Variants in NDUFV2 observed in about 807,000 individuals in gnomAD.
The protein encoded by NDUFV2 is NADH:ubiquinone oxidoreductase core subunit V2.
NDUFV2 carries 18 observed loss-of-function variants against 31.6 expected under a neutral mutation model. That is an observed-to-expected ratio of 0.57 (90% CI 0.39 to 0.84). The LOEUF (loss-of-function observed/expected upper bound fraction) is 0.84, where lower values mean the gene tolerates loss of function less well. NDUFV2 is among the 40% of genes least tolerant of loss of function. The probability of loss-of-function intolerance (pLI) is 0.00; values close to 1 mark genes in which losing one functional copy is unlikely to be tolerated. For missense variants in NDUFV2, 314 were observed against 303.6 expected, an observed-to-expected ratio of 1.03 and a Z score of -0.26; for synonymous variants, 83 against 99.8, an observed-to-expected ratio of 0.83 and a Z score of 1.01.
At chr18:9,112,058 G>A (rs528403952) in intron 1 of NDUFV2, among the ~76,000 whole-genome samples, 27 of 134,382 alleles carry the variant, frequency 2.0e-4, no homozygotes, top group African/African-American at 7.2e-4. Context: ...TCGCTCTGTC[G>A]CCCAGGCAGG....
intron 1 of NDUFV2, among the ~76,000 whole-genome samples, chr18:9,107,560 T>C (rs1264447953): frequency 6.6e-6 from 1 of 152,230 alleles, no homozygotes; most frequent in Non-Finnish European, 1.5e-5. Flanking sequence ...CCATTTTATG[T>C]GTGAGATATA....
chr18:9,102,766 G>A lies in NDUFV2; in HGVS notation c.23G>A (p.Arg8Gln), dbSNP rs1393849645. The A allele has an allele frequency of 6.3e-6, 10 of 1,584,554 alleles. No homozygotes were observed. The highest frequency in any genetic ancestry group is 5.4e-5 in the Admixed American group (3 of 56,066). The part of the protein sequence containing the change: MFFSAAL[R>Q]ARAAGLTAHW... Reference sequence around the variant, plus strand: ...GCCATGTTCTTCTCCGCGGCGCTCCGGGCCCGGGCGGCTGGCCTCACCGCC... The same window carrying A: ...GCCATGTTCTTCTCCGCGGCGCTCCAGGCCCGGGCGGCTGGCCTCACCGCC... The change falls in exon 1 of 8, where the codon CGG (arginine) becomes CAG (glutamine). Residue 8 changes from arginine to glutamine, a missense_variant. Arg to Gln is a conservative substitution (Grantham distance 43, BLOSUM62 1). Transcript: ENST00000318388.
intron 4 of NDUFV2, among the ~76,000 whole-genome samples, chr18:9,120,371 A>C (rs776934984): frequency 2.6e-5 from 4 of 152,226 alleles, no homozygotes; most frequent in Non-Finnish European, 4.4e-5. Flanking sequence ...ATTGGCAATG[A>C]AAGTTTTGAA....
At chr18:9,131,460 T>C (rs1598353905) in intron 7 of NDUFV2, among the ~76,000 whole-genome samples, 1 of 152,378 alleles carries the variant, frequency 6.6e-6, no homozygotes, top group East Asian at 1.9e-4. Flanking sequence ...AGAAATTTTT[T>C]AGTATGGATT....
intron 1 of NDUFV2, among the ~76,000 whole-genome samples, chr18:9,111,853 A>T (rs976142631): frequency 2.0e-5 from 3 of 151,862 alleles, no homozygotes; most frequent in African/African-American, 7.3e-5. Context: ...TTGTCTCTCC[A>T]TACATAGGAT....
At chr18:9,128,366 A>G (rs1322578938) in intron 7 of NDUFV2, among the ~76,000 whole-genome samples, 12 of 152,250 alleles carry the variant, frequency 7.9e-5, no homozygotes, top group Non-Finnish European at 1.3e-4. Context: ...AGGTCAGTTC[A>G]GGATAACTTA....
chr18:9,117,290 C>G (rs8090297), intron 1 of NDUFV2: 16,753 of 154,352 alleles, frequency 0.11, 1,074 homozygotes, highest in African/African-American at 0.16. Flanking sequence ...TTGCCTTAGC[C>G]TCCCAAAGTG....
chr18:9,119,299 G>T (rs772234311), intron 2 of NDUFV2, 27 bp from the exon 3 acceptor site: 1 of 1,572,654 alleles, frequency 6.4e-7, no homozygotes, highest in Non-Finnish European at 8.8e-7. Context: ...ATTTGGATAA[G>T]TCTGAAAAAC....
At chr18:9,108,452 TC>T (rs2077852573) in intron 1 of NDUFV2, among the ~76,000 whole-genome samples, 1 of 152,148 alleles carries the variant, frequency 6.6e-6, no homozygotes, top group African/African-American at 2.4e-5. Context: ...GGAAAGTTTT[TC>T]CCCCTTCTTT....
chr18:9,123,190 A>G (rs998917415), intron 5 of NDUFV2, among the ~76,000 whole-genome samples: 1 of 152,232 alleles, frequency 6.6e-6, no homozygotes, highest in Non-Finnish European at 1.5e-5. Flanking sequence ...CAAAACTGCC[A>G]TTGCTACACT....
In NDUFV2 at chr18:9,102,715, G is replaced by C; in HGVS notation, c.-29G>C. ...GCGCTCGGGATTCTCGCCTGGCGCG[G>C]CTGGGGAAGGTGAACAGTGTGGCCC... is the stretch of plus-strand genomic sequence containing the variant. On this transcript the variant is annotated 5_prime_UTR_variant, in exon 1 of 8. Transcript: ENST00000318388. 1 of 1,573,700 alleles carries C rather than the reference G, an allele frequency of 6.4e-7. No homozygotes were observed. Among genetic ancestry groups the C allele is most frequent in the South Asian group, 1.2e-5 (1 of 85,834 alleles).
At chr18:9,119,445 T>A in intron 3 of NDUFV2, 29 bp from the exon 4 acceptor site, 1 of 1,606,518 alleles carries the variant, frequency 6.2e-7, no homozygotes, top group Non-Finnish European at 8.5e-7. Flanking sequence ...TTTCTAGATG[T>A]ATAAAATGAT....
At chr18:9,114,301 C>T (rs1568188713) in intron 1 of NDUFV2, among the ~76,000 whole-genome samples, 2 of 152,048 alleles carry the variant, frequency 1.3e-5, no homozygotes, top group Non-Finnish European at 2.9e-5. Context: ...AAGCATTATA[C>T]ATATGGATAT....
At chr18:9,104,148 A>C in intron 1 of NDUFV2, 1 of 1,612,700 alleles carries the variant, frequency 6.2e-7, no homozygotes, top group Non-Finnish European at 8.5e-7. Context: ...AGGGTATTCT[A>C]GGTGGAAAGG....
At chr18:9,119,114 T>C (rs2077915947) in intron 2 of NDUFV2, among the ~76,000 whole-genome samples, 3 of 152,190 alleles carry the variant, frequency 2.0e-5, no homozygotes, top group African/African-American at 7.2e-5. Context: ...AATGGTCCTT[T>C]GTAAATTTTT....
chr18:9,130,759 A>G (rs1281210974), intron 7 of NDUFV2, among the ~76,000 whole-genome samples: 1 of 152,210 alleles, frequency 6.6e-6, no homozygotes, highest in Non-Finnish European at 1.5e-5. Context: ...GCGTCTCTGT[A>G]ATGAAAAACC....
chr18:9,115,954 T>C (rs2077895910), intron 1 of NDUFV2: 1 of 152,228 alleles, frequency 6.6e-6, no homozygotes, highest in Non-Finnish European at 1.5e-5. Flanking sequence ...CTTGTTTCTC[T>C]ATATGCTCAA....
At chr18:9,103,889 C>T (rs972873623) in intron 1 of NDUFV2, 15 of 388,166 alleles carry the variant, frequency 3.9e-5, no homozygotes, top group Non-Finnish European at 9.3e-6. Flanking sequence ...TGCCAAGCAC[C>T]GAGTTAAATA....
In NDUFV2 at chr18:9,117,491, C is replaced by A. The variant is rs185338270; in HGVS notation, c.55-347C>A. ...TTCACACTAAGTGAAAGCTGGCATC[C>A]AAGTTGATTCAGACAAAAGTGAAAG... is the stretch of plus-strand genomic sequence containing the variant. On this transcript the variant is annotated intron_variant, in intron 1 of 7. Transcript: ENST00000318388. 3.2e-4 allele frequency: 84 copies of A among 266,232 alleles called. No individual in the cohort carries two copies. In the Middle Eastern group the frequency reaches 0.02, roughly 62 times the overall value. 16.5% of individuals were successfully genotyped at this position (266,232 alleles called of 1,614,324 possible). A position where few individuals can be genotyped will look rare whatever the true frequency, so the allele number is the denominator to read the frequency against.
Sources: gnomAD v4.1 joint callset for allele counts (sites outside exome capture counted in the v4.1 genomes callset) on GRCh38, gnomAD v4.1.1 for gene constraint, MANE v1.5 for transcripts, NCBI Gene and HGNC (gene_info 2026-07-23, HGNC 2026-07-21) for gene names.